Variants in FLII observed in about 807,000 individuals in gnomAD.
FLII encodes FLII actin remodeling protein.
In FLII, 101 loss-of-function variants were observed where a neutral mutation model predicts 156.2. The ratio of observed to expected loss-of-function variants is 0.65; its 90% confidence interval spans 0.55 to 0.76. The LOEUF is 0.76. FLII is among the 30% of genes least tolerant of loss of function. FLII has a pLI of 0.00. For missense variants in FLII, 1,675 were observed against 1,682.8 expected, an observed-to-expected ratio of 1.00 and a Z score of 0.08; for synonymous variants, 767 against 685.8, an observed-to-expected ratio of 1.12 and a Z score of -1.85.
chr17:18,251,618 C>T, intron 12 of FLII, 62 bp downstream of exon 12: 1 of 1,608,616 alleles, frequency 6.2e-7, no homozygotes, highest in Non-Finnish European at 8.5e-7. Flanking sequence ...GGGTCAAGGC[C>T]AGGGTCGGCC....
In FLII at chr17:18,248,787, G is replaced by C. The variant is rs374340410; in HGVS notation, c.2018+13C>G. On this transcript the variant is annotated intron_variant, in intron 17 of 29. Transcript: ENST00000327031. ...CTTTCCTTCACACAAAAGACCCCAC[G>C]GTGTCCTTGTACCTGGCCTTGGTGG... is the stretch of plus-strand genomic sequence containing the variant. The C allele has an allele frequency of 1.9e-6, 3 of 1,613,976 alleles. No individual in the cohort carries two copies. In the Admixed American group the frequency reaches 5.0e-5, roughly 27 times the overall value.
Position 18,251,016 on chromosome 17 carries a change from G to T in FLII, c.1598C>A (p.Thr533Asn). The T allele has an allele frequency of 1.9e-6, 3 of 1,612,582 alleles. No individual in the cohort carries two copies. Among genetic ancestry groups the T allele is most frequent in the Non-Finnish European group, 2.5e-6 (3 of 1,179,356 alleles). The change falls in exon 14 of 30, where the codon ACC (threonine) becomes AAC (asparagine). Residue 533 changes from threonine to asparagine, a missense_variant and splice_region_variant. This residue lies in a region of FLII where 1,332 missense variants were observed against 1,269.3 expected (regional missense o/e 1.05). Coordinates refer to ENST00000327031, the MANE Select transcript of FLII (RefSeq NM_002018.4). ...GAGGGAGCCGCTGTCATCCAGAAAG[G>T]TCTGGAAGCCAAGGCACCGGCCACA... ...YEADCYIVLK[T>N]FLDDSGSLNW...
intron 6 of FLII, 71 bp from the exon 7 acceptor site, chr17:18,254,253 C>A (rs1597919714): frequency 7.9e-7 from 1 of 1,273,036 alleles, no homozygotes. Flanking sequence ...CTTGGCAGGG[C>A]AGGACCAAAA....
chr17:18,254,403 C>T (rs1297178730), intron 6 of FLII, 118 bp downstream of exon 6: 16 of 1,058,708 alleles, frequency 1.5e-5, no homozygotes, highest in Non-Finnish European at 2.0e-5. Flanking sequence ...AGGGGTGCTG[C>T]CTGCACGGAG....
rs2048010624 is a variant in FLII at position 18,245,555 on chromosome 17, C to T, written c.3609G>A (p.Glu1203=). The change falls in exon 28 of 30, where the codon GAG becomes GAA. Residue 1203 remains glutamate (E), a splice_region_variant and synonymous_variant. Transcript: ENST00000327031. ...DDIMLLDNGQ[E]VYMWVGTQTS... is the part of the protein sequence containing the mutation. ...GGCAGGGCTAGTGGCAACATCACACCTCTTGGCCATTGTCTAGCAACATGA... is the reference window on the plus strand; with the variant it reads ...GGCAGGGCTAGTGGCAACATCACACTTCTTGGCCATTGTCTAGCAACATGA... 2 of 1,613,686 alleles carry T rather than the reference C, an allele frequency of 1.2e-6. No homozygotes were observed. The highest frequency in any genetic ancestry group is 8.5e-7 in the Non-Finnish European group (1 of 1,179,836).
intron 12 of FLII, 99 bp downstream of exon 12, chr17:18,251,581 C>A: frequency 6.3e-7 from 1 of 1,579,444 alleles, no homozygotes; most frequent in Non-Finnish European, 8.6e-7. Flanking sequence ...GTTCTTTCTG[C>A]CCAGCACCCC....
Position 18,245,266 on chromosome 17 carries a change from T to G in FLII, c.3682A>C (p.Ile1228Leu). The G allele has an allele frequency of 1.2e-6, 2 of 1,613,014 alleles. No individual in the cohort carries two copies. The highest frequency in any genetic ancestry group is 1.7e-6 in the Non-Finnish European group (2 of 1,179,096). ...TGTTCCTTGGACCGCATGTGCTGGA[T>G]ATATACCTGGCAAGGGGACAGCGAG... ...KLSLKACQVY[I>L]QHMRSKEHER... The change falls in exon 30 of 30, where the codon ATC (isoleucine) becomes CTC (leucine). Residue 1228 changes from isoleucine to leucine, a missense_variant. Physicochemically the swap from Ile to Leu is conservative, Grantham distance 5. Transcript: ENST00000327031.
intron 14 of FLII, among the ~76,000 whole-genome samples, chr17:18,249,847 G>A (rs939133701): frequency 5.9e-5 from 9 of 151,342 alleles, no homozygotes; most frequent in Admixed American, 2.0e-4. Context: ...GGCTGGGCAC[G>A]GTGGCTCATG....
In FLII at chr17:18,254,874, C is replaced by A. The variant is rs780237796; in HGVS notation, c.328-20G>T. 6.2e-7 allele frequency: 1 copy of A among 1,613,294 alleles called. No homozygotes were observed. The highest frequency in any genetic ancestry group is 2.2e-5 in the East Asian group (1 of 44,882). ...CAAGTCCTGGGTAGAAGGGGCAAGACCCAGGTCAGGGGAGTCTCCTCCCCA... is the reference window on the plus strand; with the variant it reads ...CAAGTCCTGGGTAGAAGGGGCAAGAACCAGGTCAGGGGAGTCTCCTCCCCA... On this transcript the variant is annotated intron_variant, in intron 4 of 29. Transcript: ENST00000327031.
chr17:18,248,131 GCTCA>G, intron 18 of FLII, 98 bp from the exon 19 acceptor site: 1 of 756,526 alleles, frequency 1.3e-6, no homozygotes, highest in Non-Finnish European at 2.2e-6. Context: ...CTGCAGCGTG[GCTCA>G]CTGACTGCTT....
Position 18,246,619 on chromosome 17 carries a change from T to C in FLII, c.3026A>G (p.Glu1009Gly). The change falls in exon 23 of 30, where the codon GAG (glutamate) becomes GGG (glycine). Residue 1009 changes from glutamate to glycine, a missense_variant. By Grantham distance (98) the Glu-to-Gly change is moderately conservative (BLOSUM62 -2). Transcript: ENST00000327031. ...TFTFSLQKKF[E>G]SLFPGKLEVV... ...CTCCAGCTTCCCAGGGAAGAGGCTC[T>C]CGAACTTCTTTTGCAGGCTGAAGGT... is the stretch of plus-strand genomic sequence containing the variant. The C allele has an allele frequency of 6.2e-7, 1 of 1,614,020 alleles. No individual in the cohort carries two copies. Among genetic ancestry groups the C allele is most frequent in the Non-Finnish European group, 8.5e-7 (1 of 1,179,940 alleles).
At chr17:18,247,592 CA>C (rs1166635410) in intron 20 of FLII, 64 bp downstream of exon 20, 2 of 1,409,502 alleles carry the variant, frequency 1.4e-6, no homozygotes, top group Non-Finnish European at 1.9e-6. Flanking sequence ...AGTGAAGCCA[CA>C]GGGGTCAGGG....
Position 18,245,594 on chromosome 17 carries a change from CAGGT to C in FLII, c.3566_3569del (p.Asp1189GlyfsTer9). On this transcript the variant is annotated frameshift_variant, in exon 28 of 30. Coordinates refer to ENST00000327031, the MANE Select transcript of FLII (RefSeq NM_002018.4). LOFTEE classifies it high-confidence loss of function. ...CTAGCAACATGATGTCATCATCTGCCAGGTCATCTTGGCAAAAGTCGGAGCATTT... is the reference window on the plus strand; with the variant it reads ...CTAGCAACATGATGTCATCATCTGCCCATCTTGGCAAAAGTCGGAGCATTT... 1 of 1,613,986 alleles carries C rather than the reference CAGGT, an allele frequency of 6.2e-7. No individual in the cohort carries two copies. Among genetic ancestry groups the C allele is most frequent in the East Asian group, 2.2e-5 (1 of 44,888 alleles).
intron 25 of FLII, 25 bp from the exon 26 acceptor site, chr17:18,246,087 T>A (rs751311736): frequency 6.2e-7 from 1 of 1,613,530 alleles, no homozygotes; most frequent in East Asian, 2.2e-5. Flanking sequence ...GGGGTGGGGG[T>A]GTTCGCAGCT....
Position 18,249,147 on chromosome 17 carries a change from C to T in FLII, c.1914G>A (p.Lys638=), listed in dbSNP as rs1597906630. The part of the protein sequence containing the change: ...KNIKLEPVPL[K]GTSLDPRFVF... The stretch of plus-strand genomic sequence containing the variant: ...CTCACCTTGGGTCCAGAGAGGTCCC[C>T]TTGAGGGGCACAGGCTCCAACTTGA... Residue 638 remains lysine (K), a synonymous_variant, in exon 16 of 30, where the codon AAG becomes AAA. Transcript: ENST00000327031. 1 of 1,614,098 alleles carries T rather than the reference C, an allele frequency of 6.2e-7. No individual in the cohort carries two copies. The highest frequency in any genetic ancestry group is 8.5e-7 in the Non-Finnish European group (1 of 1,180,006).
At chr17:18,255,063 T>C in intron 4 of FLII, 120 bp downstream of exon 4, 3 of 958,898 alleles carry the variant, frequency 3.1e-6, no homozygotes, top group Non-Finnish European at 5.1e-6. Flanking sequence ...TATTATCCAC[T>C]CCAAGACTCA....
chr17:18,245,059 T>C lies in FLII; in HGVS notation c.*79A>G. 2.0e-6 allele frequency: 3 copies of C among 1,503,952 alleles called. No individual in the cohort carries two copies. The highest frequency in any genetic ancestry group is 2.7e-6 in the Non-Finnish European group (3 of 1,105,968). The allele number at this position is 1,503,952 out of a possible 1,614,324, so 93.2% of individuals were successfully genotyped here. On this transcript the variant is annotated 3_prime_UTR_variant, in exon 30 of 30. Coordinates refer to ENST00000327031, the MANE Select transcript of FLII (RefSeq NM_002018.4). The stretch of plus-strand genomic sequence containing the variant: ...CGTGGCTGGAGCAGGTGGTGTCACC[T>C]GAGTACATTCTTTGCTAGCAGACAG...
chr17:18,251,908 C>A, intron 11 of FLII, 91 bp downstream of exon 11: 2 of 1,604,512 alleles, frequency 1.2e-6, no homozygotes, highest in South Asian at 2.2e-5. Context: ...CCACCAGGGT[C>A]CAGAAAGCTG....
rs1387040066 is a variant in FLII at position 18,253,722 on chromosome 17, G to A, written c.680-3C>T. ...GTCATTGCAGGACAGATCCACGTCT[G>A]GGGTGCAGGGTGGGGTGCATCAGCT... On this transcript the variant is annotated splice_region_variant and splice_polypyrimidine_tract_variant and intron_variant, in intron 7 of 29. Coordinates refer to ENST00000327031, the MANE Select transcript of FLII (RefSeq NM_002018.4). 5.6e-6 allele frequency: 9 copies of A among 1,602,014 alleles called. No individual in the cohort carries two copies. The highest frequency in any genetic ancestry group is 6.8e-6 in the Non-Finnish European group (8 of 1,173,514).
Sources: allele counts gnomAD v4.1 joint callset (sites outside exome capture counted in the v4.1 genomes callset), GRCh38; gene constraint gnomAD v4.1.1; regional missense constraint gnomAD v4.1.1; transcripts MANE v1.5; gene names NCBI Gene and HGNC (gene_info 2026-07-23, HGNC 2026-07-21).